ATP2B4: variants seen among roughly 807,000 people sequenced by gnomAD.
The protein encoded by ATP2B4 is plasma membrane calcium-transporting ATPase 4.
In ATP2B4, 39 loss-of-function variants were observed where a neutral mutation model predicts 110.3. The ratio of observed to expected loss-of-function variants is 0.35; its 90% CI spans 0.27 to 0.46. ATP2B4 has a LOEUF of 0.46. Among genes scored for constraint, ATP2B4 ranks in the 20% least tolerant of loss-of-function variants. The pLI is 1.00. For missense variants in ATP2B4, 1,135 were observed against 1,530.9 expected (o/e 0.74, Z 4.32); for synonymous variants, 538 against 571.7 (o/e 0.94, Z 0.84).
chr1:203,647,473 C>T (rs1663836660), intron 1 of ATP2B4, among the ~76,000 whole-genome samples: 7 of 151,500 alleles, frequency 4.6e-5, no homozygotes, highest in Admixed American at 4.6e-4. Flanking sequence ...ACAAAAAAAA[C>T]AAACGGCTGG....
chr1:203,667,621 C>A (rs1049206201), intron 1 of ATP2B4, among the ~76,000 whole-genome samples: 4 of 152,176 alleles, frequency 2.6e-5, no homozygotes, highest in African/African-American at 9.7e-5. Context: ...GTTGGGAATC[C>A]AGGGAGCTGC....
intron 2 of ATP2B4, among the ~76,000 whole-genome samples, chr1:203,687,490 AG>A (rs1665232599): frequency 6.6e-6 from 1 of 152,182 alleles, no homozygotes; most frequent in Admixed American, 6.5e-5. Context: ...TCATTGTGGG[AG>A]GTCCCAGTGG....
chr1:203,740,459 T>C lies in ATP2B4; in HGVS notation c.*605T>C, dbSNP rs890989246. ...TCCTTTCCTTTTTTTTTTTTTTTTT[T>C]ATGATGATTAAGAAAATGGAAAGGA... On this transcript the variant is annotated 3_prime_UTR_variant, in exon 21 of 21. Transcript: ENST00000357681. The C allele has an allele frequency of 8.4e-6, 1 of 118,476 alleles. No homozygotes were observed. Among genetic ancestry groups the C allele is most frequent in the South Asian group, 2.6e-4 (1 of 3,916 alleles). 7.3% of individuals were successfully genotyped at this position (118,476 alleles called of 1,614,324 possible). A position where few individuals can be genotyped will look rare whatever the true frequency, so the allele number is the denominator to read the frequency against.
At chr1:203,737,916 T>C (rs530186492) in intron 20 of ATP2B4, among the ~76,000 whole-genome samples, 83 of 152,298 alleles carry the variant, frequency 5.4e-4, no homozygotes, top group Admixed American at 4.1e-3. Context: ...ACAGTATTGA[T>C]AGTGAGCCTT....
chr1:203,709,909 T>C (rs972057951), intron 11 of ATP2B4, among the ~76,000 whole-genome samples: 1 of 152,234 alleles, frequency 6.6e-6, no homozygotes, highest in Non-Finnish European at 1.5e-5. Flanking sequence ...GAGATAGCCA[T>C]ACTCAGCTCC....
intron 5 of ATP2B4, 144 bp downstream of exon 5, chr1:203,700,475 T>C: frequency 1.7e-6 from 2 of 1,187,288 alleles, no homozygotes; most frequent in South Asian, 3.2e-5. Flanking sequence ...GTGGGTGGAA[T>C]ACAAGGATAT....
Position 203,723,921 on chromosome 1 carries a change from C to G in ATP2B4, c.3065C>G (p.Thr1022Arg), listed in dbSNP as rs754341355. The change falls in exon 19 of 21, where the codon ACA (threonine) becomes AGA (arginine). Residue 1022 changes from threonine to arginine, a missense_variant. Coordinates refer to ENST00000357681, the MANE Select transcript of ATP2B4 (RefSeq NM_001684.5). The part of the protein sequence containing the change: ...VEFGGKPFSC[T>R]SLSLSQWLWC... ...TTTGGGGGTAAACCCTTCAGTTGTA[C>G]AAGCCTCAGCCTGTCTCAGTGGCTG... is the stretch of plus-strand genomic sequence containing the variant. 1.9e-6 allele frequency: 3 copies of G among 1,611,692 alleles called. No homozygotes were observed. The East Asian group carries it at 6.7e-5, about 36-fold the overall frequency.
At chr1:203,660,865 CTT>C (rs1664318819) in intron 1 of ATP2B4, among the ~76,000 whole-genome samples, 1 of 152,070 alleles carries the variant, frequency 6.6e-6, no homozygotes, top group African/African-American at 2.4e-5. Flanking sequence ...AGTCCCAGCA[CTT>C]TGGGAGGCCG....
In ATP2B4 at chr1:203,743,043, G is replaced by A. The variant is rs189805205; in HGVS notation, c.*3189G>A. 3 of 152,638 alleles carry A rather than the reference G, an allele frequency of 2.0e-5. No individual in the cohort carries two copies. The highest frequency in any genetic ancestry group is 4.4e-5 in the Non-Finnish European group (3 of 68,058). The allele number at this position is 152,638 out of a possible 1,614,324, so 9.5% of individuals were successfully genotyped here. On this transcript the variant is annotated 3_prime_UTR_variant, in exon 21 of 21. Transcript: ENST00000357681. ...GGAATGACTCTCCTGTCCCTAAAGG[G>A]GTTAAGAGAGAGATCACCTAGAAAT... is the stretch of plus-strand genomic sequence containing the variant.
chr1:203,708,636 C>T (rs895250682), intron 10 of ATP2B4, among the ~76,000 whole-genome samples: 3 of 152,110 alleles, frequency 2.0e-5, no homozygotes, highest in Admixed American at 6.5e-5. Flanking sequence ...ATGGTAAGAT[C>T]GCTTGAGCCC....
At chr1:203,719,969 G>T (rs1346685541) in intron 15 of ATP2B4, among the ~76,000 whole-genome samples, 1 of 152,058 alleles carries the variant, frequency 6.6e-6, no homozygotes, top group Non-Finnish European at 1.5e-5. Context: ...TTACTCAGGA[G>T]GCCAAGGTGG....
At chr1:203,684,353 A>ATT (rs56376451) in intron 2 of ATP2B4, among the ~76,000 whole-genome samples, 5 of 125,432 alleles carry the variant, frequency 4.0e-5, no homozygotes, top group South Asian at 2.6e-4. Flanking sequence ...CCCCATCTCT[A>ATT]TTTTTTTTTT....
Position 203,709,542 on chromosome 1 carries a change from A to G in ATP2B4, c.1799A>G (p.Lys600Arg). Reference protein sequence around the residue: ...SKGASEIILRKCNRILDRKGE... With the variant: ...SKGASEIILRRCNRILDRKGE... ...GGCGCCTCTGAGATCATCTTGCGCA[A>G]GTGAGCACCCCCGACCACTCTGCTT... The change falls in exon 11 of 21, where the codon AAG becomes AGG. Residue 600 changes from lysine (K) to arginine (R), a missense_variant and splice_region_variant. Lys to Arg is a conservative substitution (Grantham distance 26, BLOSUM62 2). This residue lies in a region of ATP2B4 where 368 missense variants were observed against 455.9 expected (regional missense o/e 0.81). Coordinates refer to ENST00000357681, the MANE Select transcript of ATP2B4 (RefSeq NM_001684.5). The G allele has an allele frequency of 6.2e-7, 1 of 1,614,132 alleles. No homozygotes were observed. The highest frequency in any genetic ancestry group is 2.2e-5 in the East Asian group (1 of 44,882).
At chr1:203,671,688 A>C (rs941761733) in intron 1 of ATP2B4, among the ~76,000 whole-genome samples, 1 of 152,194 alleles carries the variant, frequency 6.6e-6, no homozygotes, top group African/African-American at 2.4e-5. Flanking sequence ...ATCCATCAGC[A>C]TCTGAACCTT....
rs76562308 is a variant in ATP2B4, at chr1:203,636,334, G to A, written c.-465+9115G>A. 3.0e-3 allele frequency among the ~76,000 whole-genome samples: 454 copies of A among 151,366 alleles called. 5 individuals carry two copies. In the East Asian group the frequency reaches 0.044, roughly 15 times the overall value. On this transcript the variant is annotated intron_variant, in intron 1 of 20. Coordinates refer to ENST00000357681, the MANE Select transcript of ATP2B4 (RefSeq NM_001684.5). ...CCAAATCATTGTGCTACCCACCCCC[G>A]CCTCCCCATCCTGATCGTCGCTCTG...
At chr1:203,722,392 T>A in intron 17 of ATP2B4, 86 bp from the exon 18 acceptor site, 1 of 1,075,024 alleles carries the variant, frequency 9.3e-7, no homozygotes, top group Non-Finnish European at 1.4e-6. Context: ...ACACCAGCCA[T>A]AAGCAAGCAG....
intron 1 of ATP2B4, among the ~76,000 whole-genome samples, chr1:203,661,211 G>A (rs1406249955): frequency 6.6e-6 from 1 of 152,174 alleles, no homozygotes; most frequent in Non-Finnish European, 1.5e-5. Context: ...CATACTTTAA[G>A]AGGTGAATGA....
At chr1:203,658,541 G>GA (rs1416010378) in intron 1 of ATP2B4, among the ~76,000 whole-genome samples, 3 of 148,694 alleles carry the variant, frequency 2.0e-5, no homozygotes, top group African/African-American at 5.0e-5. Context: ...AAAAAAAAAA[G>GA]AAAAAAAGAA....
intron 20 of ATP2B4, chr1:203,728,325 G>A: frequency 2.7e-6 from 1 of 370,724 alleles, no homozygotes; most frequent in East Asian, 7.9e-5. Context: ...TGCATCAATT[G>A]TAACTACTTT....
Sources: allele counts gnomAD v4.1 joint callset (sites outside exome capture counted in the v4.1 genomes callset), GRCh38; gene constraint gnomAD v4.1.1; regional missense constraint gnomAD v4.1.1; transcripts MANE v1.5; gene names NCBI Gene and HGNC (gene_info 2026-07-23, HGNC 2026-07-21).